DCLK1: variants seen among roughly 807,000 people sequenced by gnomAD.
DCLK1 encodes the protein doublecortin like kinase 1.
A neutral mutation model predicts 86.2 loss-of-function variants in DCLK1; 16 were observed. The observed-to-expected ratio is 0.19, with a 90% CI of 0.13 to 0.28. The LOEUF is 0.28. Among genes scored for constraint, DCLK1 ranks in the 10% least tolerant of loss-of-function variants. The pLI, the probability that DCLK1 is intolerant of heterozygous loss-of-function variation, is 1.00. For synonymous variants in DCLK1, 369 were observed against 370.5 expected, an observed-to-expected ratio of 1.00 and a Z score of 0.05; for missense variants, 590 against 940.2, an observed-to-expected ratio of 0.63 and a Z score of 4.87.
intron 6 of DCLK1, among the ~76,000 whole-genome samples, chr13:35,854,206 G>C (rs894811651): frequency 6.6e-6 from 1 of 152,138 alleles, no homozygotes; most frequent in Non-Finnish European, 1.5e-5. Flanking sequence ...AACTAAGAAG[G>C]CTTACAAACT....
chr13:36,087,836 C>T (rs1223884640), intron 3 of DCLK1, among the ~76,000 whole-genome samples: 1 of 152,088 alleles, frequency 6.6e-6, no homozygotes, highest in Non-Finnish European at 1.5e-5. Flanking sequence ...AAGACTAAGA[C>T]CCCTGGGAAA....
At chr13:35,822,580 G>C (rs747004442) in intron 11 of DCLK1, 149 bp downstream of exon 11, 120 of 1,076,234 alleles carry the variant, frequency 1.1e-4, no homozygotes, top group Non-Finnish European at 1.5e-4. Flanking sequence ...CAACCTAAAA[G>C]GCTAGTTTCC....
chr13:36,092,393 AG>A (rs1370248621), intron 3 of DCLK1, among the ~76,000 whole-genome samples: 11 of 151,946 alleles, frequency 7.2e-5, no homozygotes, highest in African/African-American at 2.4e-4. Flanking sequence ...AATAGCTGTT[AG>A]TTGTTATGCT....
intron 4 of DCLK1, among the ~76,000 whole-genome samples, chr13:35,924,317 C>T (rs917176298): frequency 1.5e-4 from 23 of 152,040 alleles, no homozygotes; most frequent in Non-Finnish European, 5.9e-5. Flanking sequence ...TTCTTGTCAC[C>T]GTCAAGACCA....
chr13:36,122,156 C>G (rs2138211978), intron 2 of DCLK1, among the ~76,000 whole-genome samples: 1 of 152,112 alleles, frequency 6.6e-6, no homozygotes, highest in African/African-American at 2.4e-5. Context: ...AGATGGGTAA[C>G]CCAGAGGCTG....
At chr13:35,943,200 A>G (rs1264722864) in intron 4 of DCLK1, among the ~76,000 whole-genome samples, 1 of 152,170 alleles carries the variant, frequency 6.6e-6, no homozygotes, top group Middle Eastern at 3.2e-3. Context: ...AGAAGGTTAC[A>G]TGAAGATGGA....
rs561046694 is a variant in DCLK1, at chr13:36,069,192, G to A, written c.723+42677C>T. On this transcript the variant is annotated intron_variant, in intron 3 of 16. Transcript: ENST00000360631. Reference sequence around the variant, plus strand: ...CACAAAGCTTTGTTGGAAAAGTACAGTCCAGAAAATAATGCTTGGAAAATA... The same window carrying A: ...CACAAAGCTTTGTTGGAAAAGTACAATCCAGAAAATAATGCTTGGAAAATA... Among the ~76,000 whole-genome samples the A allele has an allele frequency of 1.8e-4, 28 of 152,276 alleles. No individual in the cohort carries two copies. The South Asian group carries it at 4.6e-3, about 25-fold the overall frequency.
intron 3 of DCLK1, among the ~76,000 whole-genome samples, chr13:36,062,487 C>A (rs1383668922): frequency 6.6e-6 from 1 of 152,106 alleles, no homozygotes; most frequent in Non-Finnish European, 1.5e-5. Context: ...CCTGGCTACT[C>A]GGCCTAAGCA....
chr13:35,821,277 T>C (rs1454239514), intron 11 of DCLK1, among the ~76,000 whole-genome samples: 1 of 152,194 alleles, frequency 6.6e-6, no homozygotes, highest in Non-Finnish European at 1.5e-5. Flanking sequence ...CATAGATGGT[T>C]CTCCATCATG....
chr13:35,929,863 C>T (rs73178255), intron 4 of DCLK1, among the ~76,000 whole-genome samples: 107 of 142,026 alleles, frequency 7.5e-4, no homozygotes, highest in Middle Eastern at 7.2e-3. Context: ...CATTTTTTTT[C>T]TTTTTTTTTT....
intron 11 of DCLK1, among the ~76,000 whole-genome samples, chr13:35,817,343 C>G (rs145614146): frequency 1.9e-4 from 29 of 152,190 alleles, no homozygotes; most frequent in African/African-American, 6.3e-4. Flanking sequence ...TTCTATTTTC[C>G]CTCAACTTCC....
chr13:35,896,935 C>T (rs1186461167), intron 4 of DCLK1, among the ~76,000 whole-genome samples: 3 of 152,092 alleles, frequency 2.0e-5, no homozygotes, highest in Non-Finnish European at 4.4e-5. Flanking sequence ...ACTTGCGGTG[C>T]ACCTTAGAGA....
chr13:35,780,677 C>T (rs1178572440), intron 16 of DCLK1, among the ~76,000 whole-genome samples: 1 of 152,172 alleles, frequency 6.6e-6, no homozygotes, highest in African/African-American at 2.4e-5. Context: ...TATAAACCTG[C>T]CCTATCCAGA....
intron 3 of DCLK1, among the ~76,000 whole-genome samples, chr13:36,092,490 T>C (rs1054010406): frequency 1.6e-4 from 23 of 141,920 alleles, no homozygotes; most frequent in Non-Finnish European, 2.8e-4. Flanking sequence ...TTTCTTTTTT[T>C]TTTTTTTTTT....
chr13:35,956,624 C>G (rs1877992231), intron 3 of DCLK1, among the ~76,000 whole-genome samples: 1 of 152,302 alleles, frequency 6.6e-6, no homozygotes. Flanking sequence ...GTTCTCATCA[C>G]CAATGCCAAG....
At position 35,873,634 on chromosome 13, in the gene DCLK1, C is replaced by T. The variant is rs546348825; in HGVS notation, c.824-2294G>A. On this transcript the variant is annotated intron_variant, in intron 4 of 16. Coordinates refer to ENST00000360631, the MANE Select transcript of DCLK1 (RefSeq NM_001330071.2). Reference sequence around the variant, plus strand: ...CTCCTGACCTCAAATGATCCACCCACCTCAGCCTCCCAAAGTGCTGGGATT... The same window carrying T: ...CTCCTGACCTCAAATGATCCACCCATCTCAGCCTCCCAAAGTGCTGGGATT... Among the ~76,000 whole-genome samples, 23 of 152,298 alleles carry T rather than the reference C, an allele frequency of 1.5e-4. No homozygotes were observed. In the East Asian group the frequency reaches 4.3e-3, roughly 28 times the overall value.
At chr13:35,887,297 T>A (rs1167025032) in intron 4 of DCLK1, among the ~76,000 whole-genome samples, 1 of 152,184 alleles carries the variant, frequency 6.6e-6, no homozygotes. Context: ...TGGACACTCT[T>A]GGTGAACATC....
At chr13:35,991,829 C>G (rs939134884) in intron 3 of DCLK1, among the ~76,000 whole-genome samples, 3 of 152,122 alleles carry the variant, frequency 2.0e-5, no homozygotes, top group African/African-American at 7.2e-5. Flanking sequence ...ATTTTGTGAG[C>G]TTGAAACTGC....
chr13:35,908,739 G>A (rs192296206), intron 4 of DCLK1, among the ~76,000 whole-genome samples: 10 of 152,186 alleles, frequency 6.6e-5, no homozygotes, highest in African/African-American at 2.4e-4. Flanking sequence ...GGGTTCAAGC[G>A]ATTCTCCTGC....
Sources: allele counts gnomAD v4.1 joint callset (sites outside exome capture counted in the v4.1 genomes callset), GRCh38; gene constraint gnomAD v4.1.1; transcripts MANE v1.5; gene names NCBI Gene and HGNC (gene_info 2026-07-23, HGNC 2026-07-21).